TTPAL: variants seen among roughly 807,000 people sequenced by gnomAD.
The protein encoded by TTPAL is alpha-tocopherol transfer protein-like.
TTPAL carries 21 observed loss-of-function variants against 28.7 expected under a neutral mutation model. That is an observed-to-expected ratio of 0.73 (90% CI 0.52 to 1.06). The LOEUF is 1.06. Among genes scored for constraint, TTPAL ranks in the 50% least tolerant of loss-of-function variants. The pLI is 0.00. For synonymous variants in TTPAL, 169 were observed against 171.9 expected (o/e 0.98, Z 0.13); for missense variants, 345 against 425.5 (o/e 0.81, Z 1.67).
chr20:44,479,406 T>TTTTTCC (rs2064079483), intron 1 of TTPAL, among the ~76,000 whole-genome samples: 1 of 80,104 alleles, frequency 1.2e-5, no homozygotes, highest in African/African-American at 6.2e-5. Flanking sequence ...GTTGTTTTTT[T>TTTTTCC]TTTTTTTTTT....
chr20:44,481,935 AATATTACAACACAGTCAG>A (rs1222890017), intron 2 of TTPAL, among the ~76,000 whole-genome samples: 1 of 152,192 alleles, frequency 6.6e-6, no homozygotes, highest in Non-Finnish European at 1.5e-5. Context: ...AACTCATAAG[AATATTACAACACAGTCAG>A]ATATTACAAC....
Position 44,480,449 on chromosome 20 carries a change from C to T in TTPAL, c.445+5C>T, listed in dbSNP as rs1237716593. The stretch of plus-strand genomic sequence containing the variant: ...ATGTCGTCTGCATCCGCCCAGGTAT[C>T]TCCCTAGACTGTTGTGGGGTGTGTG... On this transcript the variant is annotated splice_donor_5th_base_variant and intron_variant, in intron 2 of 4. Coordinates refer to ENST00000262605, the MANE Select transcript of TTPAL (RefSeq NM_001039199.3). The surrounding 1 kb of genome is among the most constrained non-coding windows in gnomAD (Gnocchi z 4.1). The T allele has an allele frequency of 1.3e-6, 2 of 1,585,700 alleles. No individual in the cohort carries two copies. Among genetic ancestry groups the T allele is most frequent in the East Asian group, 4.5e-5 (2 of 44,540 alleles).
intron 3 of TTPAL, 102 bp downstream of exon 3, chr20:44,484,632 C>G: frequency 1.2e-6 from 1 of 809,958 alleles, no homozygotes; most frequent in Non-Finnish European, 1.9e-6. Context: ...CTGCACATCC[C>G]ACACCTGCAA....
chr20:44,480,286 T>C lies in TTPAL; in HGVS notation c.287T>C (p.Leu96Pro), dbSNP rs1159385612. 6.2e-7 allele frequency: 1 copy of C among 1,614,208 alleles called. No homozygotes were observed. Among genetic ancestry groups the C allele is most frequent in the Non-Finnish European group, 8.5e-7 (1 of 1,180,022 alleles). The change falls in exon 2 of 5, where the codon CTG becomes CCG. Residue 96 changes from leucine to proline, a missense_variant. By Grantham distance (98) the Leu-to-Pro change is moderately conservative. Transcript: ENST00000262605. The surrounding 1 kb of genome is among the most constrained non-coding windows in gnomAD (Gnocchi z 4.1). ...CGCAAGTTTGATTACGACCGGGCCCTGCAGCTCCTCGTCAACTACCACAGC... is the reference window on the plus strand; with the variant it reads ...CGCAAGTTTGATTACGACCGGGCCCCGCAGCTCCTCGTCAACTACCACAGC... ...RARKFDYDRA[L>P]QLLVNYHSCR...
chr20:44,485,675 G>T (rs981311024), intron 3 of TTPAL: 1 of 152,152 alleles, frequency 6.6e-6, no homozygotes, highest in Non-Finnish European at 1.5e-5. Context: ...TTCCTTCGCT[G>T]GCACTCCTTT....
Position 44,480,481 on chromosome 20 carries a change from G to A in TTPAL, c.445+37G>A. On this transcript the variant is annotated intron_variant, in intron 2 of 4. Transcript: ENST00000262605. This position sits in a 1 kb window ranked among gnomAD's most constrained non-coding sequence, Gnocchi z 4.1. ...GACTGTTGTGGGGTGTGTGTGTCCA[G>A]TCCTTCTGCAGTGTGTCCATTCAGC... 1 of 1,538,968 alleles carries A rather than the reference G, an allele frequency of 6.5e-7. No homozygotes were observed.
intron 2 of TTPAL, among the ~76,000 whole-genome samples, chr20:44,482,572 C>CA (rs535832796): frequency 0.086 from 5,170 of 60,258 alleles, 102 homozygotes; most frequent in African/African-American, 0.11. Context: ...GACTCTGTCT[C>CA]AAAAAAAAAA....
At chr20:44,481,847 A>G (rs1354127174) in intron 2 of TTPAL, among the ~76,000 whole-genome samples, 1 of 152,226 alleles carries the variant, frequency 6.6e-6, no homozygotes, top group Non-Finnish European at 1.5e-5. Context: ...TTTTAAAATA[A>G]GCAATGCAGT....
intron 4 of TTPAL, 116 bp from the exon 5 acceptor site, chr20:44,489,146 CA>C: frequency 8.5e-7 from 1 of 1,169,886 alleles, no homozygotes; most frequent in South Asian, 1.6e-5. Context: ...GTAGAGTTGC[CA>C]TTAACATTTC....
At position 44,494,267 on chromosome 20, in the gene TTPAL, T is replaced by C. The variant is rs911600854; in HGVS notation, c.*4726T>C. The C allele has an allele frequency of 1.3e-5, 2 of 152,724 alleles. No homozygotes were observed. The highest frequency in any genetic ancestry group is 2.9e-5 in the Non-Finnish European group (2 of 68,040). The allele number at this position is 152,724 out of a possible 1,614,324, so 9.5% of individuals were successfully genotyped here. On this transcript the variant is annotated 3_prime_UTR_variant, in exon 5 of 5. Transcript: ENST00000262605. ...GAGATGCTGCTGCTGTGGATTCTTGTAGCTATGCCTCGGCTTCTTGGCATA... is the reference window on the plus strand; with the variant it reads ...GAGATGCTGCTGCTGTGGATTCTTGCAGCTATGCCTCGGCTTCTTGGCATA...
In TTPAL at chr20:44,489,171, A is replaced by G. The variant is rs141797712; in HGVS notation, c.751-92A>G. 1.8e-4 allele frequency: 244 copies of G among 1,389,192 alleles called. No homozygotes were observed. The African/African-American group carries it at 2.2e-3, about 12-fold the overall frequency. 86.1% of individuals were successfully genotyped at this position (1,389,192 alleles called of 1,614,324 possible). On this transcript the variant is annotated intron_variant, in intron 4 of 4. Coordinates refer to ENST00000262605, the MANE Select transcript of TTPAL (RefSeq NM_001039199.3). ...CATTAACATTTCCTTTCTTCATTCA[A>G]CAGATATTTATTTGAGCACCTACCA...
chr20:44,479,370 G>GTTTAT (rs1555824531), intron 1 of TTPAL, among the ~76,000 whole-genome samples: 1 of 136,950 alleles, frequency 7.3e-6, no homozygotes, highest in Non-Finnish European at 1.6e-5. Flanking sequence ...ATTAGAGTAC[G>GTTTAT]TTTATTTTTG....
Position 44,493,581 on chromosome 20 carries a change from T to G in TTPAL, c.*4040T>G, listed in dbSNP as rs2064227398. 6.6e-6 allele frequency: 1 copy of G among 152,348 alleles called. No homozygotes were observed. The highest frequency in any genetic ancestry group is 2.4e-5 in the African/African-American group (1 of 41,446). The allele number at this position is 152,348 out of a possible 1,614,324, so 9.4% of individuals were successfully genotyped here. On this transcript the variant is annotated 3_prime_UTR_variant, in exon 5 of 5. Transcript: ENST00000262605. ...CTCCTTTAATTTAGGGAGTAAAATG[T>G]TAGCTAAACCAATTATATACTATAT...
chr20:44,486,897 T>C (rs1221759328), intron 4 of TTPAL, among the ~76,000 whole-genome samples, 191 bp downstream of exon 4: 5 of 152,166 alleles, frequency 3.3e-5, no homozygotes. Context: ...ATTTAATATT[T>C]GCCAGTAGAG....
chr20:44,480,250 T>C lies in TTPAL; in HGVS notation c.251T>C (p.Phe84Ser). 4 of 1,614,108 alleles carry C rather than the reference T, an allele frequency of 2.5e-6. 1 individual carries two copies. The South Asian group carries it at 4.4e-5, about 18-fold the overall frequency. ...CTCGACGATGCCTTCCTGCTGCGCT[T>C]CCTCCGAGCCCGCAAGTTTGATTAC... The part of the protein sequence containing the change: ...TSLDDAFLLR[F>S]LRARKFDYDR... Residue 84 changes from phenylalanine (F) to serine (S), a missense_variant, in exon 2 of 5, where the codon TTC (phenylalanine) becomes TCC (serine). Physicochemically the swap from Phe to Ser is radical, Grantham distance 155. Coordinates refer to ENST00000262605, the MANE Select transcript of TTPAL (RefSeq NM_001039199.3). This position sits in a 1 kb window ranked among gnomAD's most constrained non-coding sequence, Gnocchi z 4.1.
rs1175435791 is a variant in TTPAL at position 44,490,956 on chromosome 20, G to A, written c.*1415G>A. On this transcript the variant is annotated 3_prime_UTR_variant, in exon 5 of 5. Coordinates refer to ENST00000262605, the MANE Select transcript of TTPAL (RefSeq NM_001039199.3). ...CTGGGCGTGGTGGCGGGCTCCTGTA[G>A]TCCCAGCTACTCGGGAGGCTGAGGC... The A allele has an allele frequency of 4.0e-5, 6 of 151,130 alleles. No individual in the cohort carries two copies. The allele number at this position is 151,130 out of a possible 1,614,324, so 9.4% of individuals were successfully genotyped here.
chr20:44,487,159 G>A (rs1391421699), intron 4 of TTPAL, among the ~76,000 whole-genome samples: 1 of 152,124 alleles, frequency 6.6e-6, no homozygotes, highest in East Asian at 1.9e-4. Context: ...GCACATGCCT[G>A]TAATTGCAGC....
intron 2 of TTPAL, among the ~76,000 whole-genome samples, chr20:44,482,591 AG>A (rs2064116460): frequency 6.6e-6 from 1 of 151,144 alleles, no homozygotes; most frequent in Non-Finnish European, 1.5e-5. Context: ...AAAAAAAAAA[AG>A]TTTTTTGCAC....
rs1396099562 is a variant in TTPAL at position 44,486,627 on chromosome 20, A to G, written c.671A>G (p.His224Arg). 1 of 1,613,686 alleles carries G rather than the reference A, an allele frequency of 6.2e-7. No homozygotes were observed. Among genetic ancestry groups the G allele is most frequent in the Non-Finnish European group, 8.5e-7 (1 of 1,179,782 alleles). Reference protein sequence around the residue: ...DGFPIRIKAVHVVNEPRIFKG... With the variant: ...DGFPIRIKAVRVVNEPRIFKG... ...TTCCCCATTCGGATAAAAGCAGTCC[A>G]TGTGGTGAATGAACCTCGAATATTT... Residue 224 changes from histidine to arginine, a missense_variant, in exon 4 of 5, where the codon CAT (histidine) becomes CGT (arginine). Physicochemically the swap from His to Arg is conservative, Grantham distance 29. Coordinates refer to ENST00000262605, the MANE Select transcript of TTPAL (RefSeq NM_001039199.3).
Sources: allele counts gnomAD v4.1 joint callset (sites outside exome capture counted in the v4.1 genomes callset), GRCh38; gene constraint gnomAD v4.1.1; non-coding constraint Gnocchi (gnomAD v3.1); transcripts MANE v1.5; gene names NCBI Gene and HGNC (gene_info 2026-07-23, HGNC 2026-07-21).